Variants in KCNMA1 observed in about 807,000 individuals in gnomAD.
KCNMA1 encodes potassium calcium-activated channel subfamily M alpha 1.
A neutral mutation model predicts 140.0 loss-of-function variants in KCNMA1; 29 were observed. The observed-to-expected ratio is 0.21, with a 90% CI of 0.15 to 0.28. The LOEUF is 0.28. Ranked by LOEUF, KCNMA1 falls within the 10% of genes least tolerant of loss-of-function variation. The pLI is 1.00. For synonymous variants in KCNMA1, 612 were observed against 611.9 expected (o/e 1.00, Z 0.00); for missense variants, 880 against 1,602.2 (o/e 0.55, Z 7.70).
At chr10:77,580,232 T>G (rs2075456885) in intron 1 of KCNMA1, among the ~76,000 whole-genome samples, 1 of 151,788 alleles carries the variant, frequency 6.6e-6, no homozygotes, top group Non-Finnish European at 1.5e-5. Context: ...ATACAAAAAA[T>G]TAGCCGGGCG....
intron 5 of KCNMA1, among the ~76,000 whole-genome samples, chr10:77,122,142 T>G (rs2097617969): frequency 6.6e-6 from 1 of 152,192 alleles, no homozygotes. Flanking sequence ...AAGGAATCCT[T>G]ACTACCTTCT....
intron 1 of KCNMA1, among the ~76,000 whole-genome samples, chr10:77,539,654 C>T (rs1727463252): frequency 6.6e-6 from 1 of 152,148 alleles, no homozygotes; most frequent in African/African-American, 2.4e-5. Flanking sequence ...GGGTGAATTC[C>T]CAGCCCTAAT....
At chr10:77,031,030 A>G (rs575992822) in intron 15 of KCNMA1, among the ~76,000 whole-genome samples, 155 of 152,306 alleles carry the variant, frequency 1.0e-3, no homozygotes, top group Non-Finnish European at 1.7e-3. Context: ...CTTCCTATGC[A>G]GATAACAAAC....
At chr10:77,580,253 C>A (rs1005727359) in intron 1 of KCNMA1, among the ~76,000 whole-genome samples, 1 of 151,638 alleles carries the variant, frequency 6.6e-6, no homozygotes, top group Non-Finnish European at 1.5e-5. Context: ...TGGTGGCGGG[C>A]GCCTGTAGTC....
At chr10:77,551,003 T>C (rs1419869565) in intron 1 of KCNMA1, among the ~76,000 whole-genome samples, 2 of 152,158 alleles carry the variant, frequency 1.3e-5, no homozygotes, top group East Asian at 1.9e-4. Flanking sequence ...CTATTCCTAT[T>C]TATTTTTTTG....
intron 2 of KCNMA1, among the ~76,000 whole-genome samples, chr10:77,316,113 G>T (rs1387057810): frequency 1.3e-5 from 2 of 152,118 alleles, no homozygotes; most frequent in African/African-American, 2.4e-5. Context: ...TTCCTTTCTG[G>T]TTTATTAATT....
At chr10:77,563,919 G>C (rs1419987104) in intron 1 of KCNMA1, among the ~76,000 whole-genome samples, 1 of 152,168 alleles carries the variant, frequency 6.6e-6, no homozygotes, top group Non-Finnish European at 1.5e-5. Flanking sequence ...TGCAGACTGG[G>C]GCTTATCACA....
At chr10:76,905,765 C>T (rs1307361854) in intron 25 of KCNMA1, among the ~76,000 whole-genome samples, 2 of 152,210 alleles carry the variant, frequency 1.3e-5, no homozygotes, top group African/African-American at 4.8e-5. Context: ...TGACACTATT[C>T]ATTTATTCAC....
intron 1 of KCNMA1, among the ~76,000 whole-genome samples, chr10:77,599,932 C>T (rs1273566926): frequency 1.3e-5 from 2 of 152,166 alleles, no homozygotes; most frequent in Non-Finnish European, 2.9e-5. Flanking sequence ...TCCTTCACCT[C>T]CATCCTGAAC....
At position 76,885,039 on chromosome 10, in the gene KCNMA1, A is replaced by T; in HGVS notation, c.*2227T>A. On this transcript the variant is annotated 3_prime_UTR_variant, in exon 28 of 28. Transcript: ENST00000286628. The stretch of plus-strand genomic sequence containing the variant: ...TGCACTTTAGAGAGAGAAGTAAGCT[A>T]TGTGAGTTTTACAATGCTTTTAAAC... The T allele has an allele frequency of 6.5e-7, 1 of 1,547,936 alleles. No individual in the cohort carries two copies. Among genetic ancestry groups the T allele is most frequent in the Non-Finnish European group, 8.7e-7 (1 of 1,145,814 alleles).
chr10:76,942,166 G>C (rs779324663), intron 23 of KCNMA1, among the ~76,000 whole-genome samples: 4 of 151,986 alleles, frequency 2.6e-5, no homozygotes, highest in Non-Finnish European at 4.4e-5. Flanking sequence ...TAGAGATTGG[G>C]TTTCGCCATG....
intron 2 of KCNMA1, among the ~76,000 whole-genome samples, chr10:77,373,290 C>T (rs2094866036): frequency 6.6e-6 from 1 of 152,166 alleles, no homozygotes; most frequent in South Asian, 2.1e-4. Context: ...TACTTTGCCA[C>T]CCAGGTGCCA....
At chr10:77,636,092 A>C in intron 1 of KCNMA1, 1 of 650,892 alleles carries the variant, frequency 1.5e-6, no homozygotes, top group Non-Finnish European at 2.3e-6. Flanking sequence ...TGCAATGTGT[A>C]TCTACCCTGC....
intron 19 of KCNMA1, among the ~76,000 whole-genome samples, chr10:76,993,864 C>T (rs925935131): frequency 6.6e-6 from 1 of 152,246 alleles, no homozygotes; most frequent in African/African-American, 2.4e-5. Flanking sequence ...TCCCTGCATG[C>T]TAAGTAAGTC....
chr10:77,610,915 T>C (rs2086610631), intron 1 of KCNMA1, among the ~76,000 whole-genome samples: 2 of 152,244 alleles, frequency 1.3e-5, no homozygotes, highest in African/African-American at 4.8e-5. Flanking sequence ...AAAAATGCCA[T>C]GGAGTGGTTA....
intron 2 of KCNMA1, among the ~76,000 whole-genome samples, chr10:77,354,228 C>T (rs979819960): frequency 1.1e-4 from 17 of 152,164 alleles, no homozygotes; most frequent in African/African-American, 3.1e-4. Context: ...CTCTTGACCT[C>T]GTGATCTGCC....
chr10:77,053,791 T>C (rs1247774), intron 14 of KCNMA1, among the ~76,000 whole-genome samples: 6,497 of 152,226 alleles, frequency 0.043, 465 homozygotes, highest in East Asian at 0.24. Context: ...CTTAAGAAAG[T>C]TGAAGGAGAG....
chr10:77,256,790 G>C (rs1256645712), intron 2 of KCNMA1, among the ~76,000 whole-genome samples: 2 of 151,948 alleles, frequency 1.3e-5, no homozygotes, highest in Non-Finnish European at 2.9e-5. Flanking sequence ...TGATCCCAAA[G>C]GCATAGGACT....
chr10:77,167,499 A>G (rs2098656163), intron 5 of KCNMA1, among the ~76,000 whole-genome samples: 1 of 152,120 alleles, frequency 6.6e-6, no homozygotes, highest in South Asian at 2.1e-4. Flanking sequence ...CTCCAAGCCT[A>G]GGACAACAGC....
Sources: allele counts gnomAD v4.1 joint callset (sites outside exome capture counted in the v4.1 genomes callset), GRCh38; gene constraint gnomAD v4.1.1; transcripts MANE v1.5; gene names NCBI Gene and HGNC (gene_info 2026-07-23, HGNC 2026-07-21).